Variants in FOXP2 observed in about 807,000 individuals in gnomAD.
FOXP2 encodes forkhead box P2, also known as forkhead box protein P2.
Under a neutral mutation model 115.8 loss-of-function variants are expected in FOXP2, and 12 were observed. The ratio of observed to expected loss-of-function variants is 0.10; its 90% CI spans 0.07 to 0.17. FOXP2 has a LOEUF of 0.17. FOXP2 is among the 10% of genes least tolerant of loss of function. The pLI, the probability that FOXP2 is intolerant of heterozygous loss-of-function variation, is 1.00. For synonymous variants in FOXP2, 328 were observed against 297.7 expected (o/e 1.10, Z -1.05); for missense variants, 629 against 843.5 (o/e 0.75, Z 3.15).
chr7:114,326,614 G>A (rs1407889668), intron 2 of FOXP2, among the ~76,000 whole-genome samples: 1 of 151,872 alleles, frequency 6.6e-6, no homozygotes, highest in Non-Finnish European at 1.5e-5. Context: ...AATATCTTTT[G>A]GTAAATAATA....
intron 2 of FOXP2, among the ~76,000 whole-genome samples, chr7:114,318,379 GTTTTTTT>G (rs201941261): frequency 1.7e-5 from 2 of 116,826 alleles, no homozygotes; most frequent in South Asian, 3.2e-4. Context: ...GTCTCTCTTT[GTTTTTTT>G]TTTTTTTTTT....
At chr7:114,456,878 T>C (rs1795332256) in intron 2 of FOXP2, among the ~76,000 whole-genome samples, 1 of 151,776 alleles carries the variant, frequency 6.6e-6, no homozygotes, top group Admixed American at 6.6e-5. Context: ...TGGAACAGCA[T>C]AGATGATCCT....
intron 2 of FOXP2, among the ~76,000 whole-genome samples, chr7:114,363,566 A>C (rs988191900): frequency 6.6e-6 from 1 of 152,144 alleles, no homozygotes; most frequent in Non-Finnish European, 1.5e-5. Context: ...ATGACAGACA[A>C]ATATGCACAG....
intron 8 of FOXP2, among the ~76,000 whole-genome samples, chr7:114,648,183 T>G (rs1366624188): frequency 6.6e-6 from 1 of 152,138 alleles, no homozygotes; most frequent in Admixed American, 6.6e-5. Flanking sequence ...TCTTTGTCTT[T>G]GACTAGGCAG....
intron 2 of FOXP2, among the ~76,000 whole-genome samples, chr7:114,344,854 A>T (rs1417066089): frequency 1.3e-5 from 2 of 151,844 alleles, no homozygotes; most frequent in African/African-American, 4.8e-5. Context: ...ATATTAAAGC[A>T]TCCAAATTTT....
At chr7:114,550,192 A>G (rs1351069965) in intron 3 of FOXP2, among the ~76,000 whole-genome samples, 1 of 137,164 alleles carries the variant, frequency 7.3e-6, no homozygotes, top group Admixed American at 8.8e-5. Flanking sequence ...ATCTCGGCTC[A>G]CTGCAAGCTC....
chr7:114,690,155 A>G lies in FOXP2; in HGVS notation c.*229A>G. On this transcript the variant is annotated 3_prime_UTR_variant, in exon 17 of 17. Transcript: ENST00000350908. The stretch of plus-strand genomic sequence containing the variant: ...TTTTTTTTTTTTTTTTTAGAAAAAA[A>G]GACAAAAACTGATTTTCTTGAAAAA... The G allele has an allele frequency of 1.8e-6, 1 of 542,288 alleles. No individual in the cohort carries two copies. The highest frequency in any genetic ancestry group is 3.3e-6 in the Non-Finnish European group (1 of 300,290). The allele number at this position is 542,288 out of a possible 1,614,324, so 33.6% of individuals were successfully genotyped here. A position where few individuals can be genotyped will look rare whatever the true frequency, so the allele number is the denominator to read the frequency against.
chr7:114,225,446 A>C (rs1179789417), intron 1 of FOXP2, among the ~76,000 whole-genome samples: 2 of 151,186 alleles, frequency 1.3e-5, no homozygotes, highest in African/African-American at 4.9e-5. Flanking sequence ...TTTGCTTTTC[A>C]ATTTTTTTTC....
chr7:114,209,280 C>T (rs1794283822), intron 1 of FOXP2, among the ~76,000 whole-genome samples: 2 of 152,318 alleles, frequency 1.3e-5, no homozygotes, highest in Admixed American at 1.3e-4. Flanking sequence ...TTCCTGCGGC[C>T]TCTCCAGCCA....
At chr7:114,678,593 C>A (rs546324499) in intron 16 of FOXP2, among the ~76,000 whole-genome samples, 1 of 114,296 alleles carries the variant, frequency 8.7e-6, no homozygotes, top group Non-Finnish European at 1.7e-5. Flanking sequence ...ACTAGCAACA[C>A]TTTATGCCCC....
chr7:114,600,534 A>C (rs1802964000), intron 3 of FOXP2, among the ~76,000 whole-genome samples: 1 of 152,190 alleles, frequency 6.6e-6, no homozygotes. Context: ...AATATGTGAG[A>C]GCACATTGCT....
At chr7:114,649,738 T>C (rs1806129396) in intron 8 of FOXP2, among the ~76,000 whole-genome samples, 1 of 152,048 alleles carries the variant, frequency 6.6e-6, no homozygotes, top group South Asian at 2.1e-4. Context: ...TGGTAAACAA[T>C]AGCGAGGAAA....
At chr7:114,127,862 G>A (rs978590808) in intron 1 of FOXP2, among the ~76,000 whole-genome samples, 1 of 151,992 alleles carries the variant, frequency 6.6e-6, no homozygotes, top group Admixed American at 6.6e-5. Flanking sequence ...CTTATTTAAT[G>A]TATTACACTA....
intron 2 of FOXP2, among the ~76,000 whole-genome samples, chr7:114,394,581 G>A (rs1222686449): frequency 1.3e-5 from 2 of 152,106 alleles, no homozygotes; most frequent in Non-Finnish European, 1.5e-5. Flanking sequence ...CTTTAATCAA[G>A]TGATCAAAGT....
intron 1 of FOXP2, among the ~76,000 whole-genome samples, chr7:114,251,630 C>G (rs1458625149): frequency 6.6e-6 from 1 of 152,136 alleles, no homozygotes; most frequent in Non-Finnish European, 1.5e-5. Context: ...GATTTTTGCA[C>G]TTTGAATTTG....
intron 1 of FOXP2, among the ~76,000 whole-genome samples, chr7:114,132,319 A>G (rs909642764): frequency 3.9e-5 from 6 of 152,102 alleles, no homozygotes; most frequent in African/African-American, 1.4e-4. Context: ...AGAAACTTGC[A>G]AATGTCCTTG....
At chr7:114,447,348 A>G (rs900007428) in intron 2 of FOXP2, among the ~76,000 whole-genome samples, 1 of 151,956 alleles carries the variant, frequency 6.6e-6, no homozygotes, top group Non-Finnish European at 1.5e-5. Context: ...TTTTCTGGGT[A>G]AGCACCCAGA....
chr7:114,684,991 ATT>A (rs762478566), intron 16 of FOXP2, among the ~76,000 whole-genome samples: 1 of 145,172 alleles, frequency 6.9e-6, no homozygotes, highest in African/African-American at 2.5e-5. Context: ...CAGTTGGTTG[ATT>A]TTTTTTTTTT....
chr7:114,388,315 C>A (rs1409458296), intron 2 of FOXP2, among the ~76,000 whole-genome samples: 1 of 150,676 alleles, frequency 6.6e-6, no homozygotes, highest in African/African-American at 2.4e-5. Context: ...TGTTATATTT[C>A]TGGTAAAAAA....
Sources: allele counts gnomAD v4.1 joint callset (sites outside exome capture counted in the v4.1 genomes callset), GRCh38; gene constraint gnomAD v4.1.1; transcripts MANE v1.5; gene names NCBI Gene and HGNC (gene_info 2026-07-23, HGNC 2026-07-21).